Variants in MTPN observed in about 807,000 individuals in gnomAD.
The protein encoded by MTPN is myotrophin.
In MTPN, 2 loss-of-function variants were observed where a neutral mutation model predicts 13.5. The ratio of observed to expected loss-of-function variants is 0.15; its 90% confidence interval spans 0.06 to 0.47. The LOEUF is 0.47. MTPN is among the 20% of genes least tolerant of loss of function. MTPN has a pLI of 0.97. For missense variants in MTPN, 79 were observed against 137.9 expected, an observed-to-expected ratio of 0.57 and a Z score of 2.14; for synonymous variants, 46 against 51.7, an observed-to-expected ratio of 0.89 and a Z score of 0.48.
chr7:135,974,255 T>C (rs1246226095), intron 1 of MTPN, among the ~76,000 whole-genome samples: 2 of 151,980 alleles, frequency 1.3e-5, no homozygotes, highest in Non-Finnish European at 2.9e-5. Context: ...GAAAAACGGG[T>C]TCACACCTGT....
rs542912712 is a variant in MTPN at position 135,948,641 on chromosome 7, A to G, written c.270+1958T>C. Among the ~76,000 whole-genome samples, 44 of 152,310 alleles carry G rather than the reference A, an allele frequency of 2.9e-4. No homozygotes were observed. In the South Asian group the frequency reaches 8.3e-3, roughly 29 times the overall value. On this transcript the variant is annotated intron_variant, in intron 3 of 3. Transcript: ENST00000393085. The stretch of plus-strand genomic sequence containing the variant: ...TTAACAACGGAAACTTACAACCACA[A>G]GGTCTCAATGACCTGAAGCCTCATG...
intron 1 of MTPN, 101 bp downstream of exon 1, chr7:135,976,928 C>G: frequency 4.1e-5 from 18 of 444,434 alleles, no homozygotes; most frequent in Middle Eastern, 3.6e-4. Context: ...AGTCTCTCCT[C>G]CCGCCCACCC....
At chr7:135,976,883 C>T (rs78943195) in intron 1 of MTPN, 146 bp downstream of exon 1, 10,027 of 738,894 alleles carry the variant, frequency 0.014, 282 homozygotes, top group East Asian at 0.087. Context: ...CCTCCCTAGA[C>T]GCCCCTCTCT....
intron 1 of MTPN, among the ~76,000 whole-genome samples, chr7:135,953,051 C>T (rs1467113057): frequency 6.6e-6 from 1 of 152,124 alleles, no homozygotes. Flanking sequence ...ATGTTCAGAG[C>T]CCTATCATTT....
At chr7:135,946,169 C>G (rs1307841302) in intron 3 of MTPN, among the ~76,000 whole-genome samples, 1 of 152,138 alleles carries the variant, frequency 6.6e-6, no homozygotes, top group East Asian at 1.9e-4. Context: ...AATATGATTT[C>G]ATGTTTAGCC....
chr7:135,930,138 T>C (rs1798995221), intron 3 of MTPN, 126 bp from the exon 4 acceptor site: 7 of 723,126 alleles, frequency 9.7e-6, no homozygotes, highest in Non-Finnish European at 1.6e-5. Context: ...TAGTGGAGTC[T>C]ATTCTACTGC....
At chr7:135,969,753 T>C (rs1158979018) in intron 1 of MTPN, among the ~76,000 whole-genome samples, 2 of 152,020 alleles carry the variant, frequency 1.3e-5, no homozygotes, top group African/African-American at 4.8e-5. Flanking sequence ...AGAAAATAAA[T>C]GAAGTCAAGA....
chr7:135,956,763 T>C (rs1290008833), intron 1 of MTPN, among the ~76,000 whole-genome samples: 3 of 152,200 alleles, frequency 2.0e-5, no homozygotes, highest in Non-Finnish European at 4.4e-5. Flanking sequence ...TCCTGTTTTA[T>C]TGGCTCCTTC....
In MTPN at chr7:135,977,175, G is replaced by C. The variant is rs551634536; in HGVS notation, c.-75C>G. ...GGCAGCAGCAAGCGGATGCCGCCGG[G>C]CGAGAGGGAGGCAGGGCCGCGCGAA... On this transcript the variant is annotated 5_prime_UTR_variant, in exon 1 of 4. Transcript: ENST00000393085. 9.5e-6 allele frequency: 14 copies of C among 1,480,748 alleles called. No individual in the cohort carries two copies. In the South Asian group the frequency reaches 1.4e-4, roughly 14 times the overall value. 91.7% of individuals were successfully genotyped at this position (1,480,748 alleles called of 1,614,324 possible).
intron 1 of MTPN, among the ~76,000 whole-genome samples, chr7:135,963,126 T>C (rs906140076): frequency 3.9e-5 from 6 of 152,044 alleles, no homozygotes; most frequent in Admixed American, 3.3e-4. Context: ...TTTACAAAAT[T>C]CTATATAGTT....
intron 1 of MTPN, among the ~76,000 whole-genome samples, chr7:135,973,124 A>G (rs923759002): frequency 2.0e-5 from 3 of 150,460 alleles, no homozygotes; most frequent in African/African-American, 7.3e-5. Context: ...AGTGCAGGAG[A>G]CTGGCTGAAA....
intron 1 of MTPN, among the ~76,000 whole-genome samples, chr7:135,965,171 C>G (rs536122855): frequency 1.6e-3 from 243 of 152,186 alleles, no homozygotes; most frequent in African/African-American, 5.3e-3. Context: ...GACAATAATA[C>G]AAACAGCAAA....
At chr7:135,975,982 T>C (rs1266424429) in intron 1 of MTPN, among the ~76,000 whole-genome samples, 1 of 152,254 alleles carries the variant, frequency 6.6e-6, no homozygotes, top group African/African-American at 2.4e-5. Flanking sequence ...TCCTATTCTT[T>C]GAAGAGTTAA....
rs1193185568 is a variant in MTPN at position 135,932,635 on chromosome 7, GAAGTA to G, written c.271-2628_271-2624del. The G allele has an allele frequency of 4.6e-5, 7 of 151,760 alleles. No homozygotes were observed. In the East Asian group the frequency reaches 9.7e-4, roughly 21 times the overall value. The allele number at this position is 151,760 out of a possible 1,614,324, so 9.4% of individuals were successfully genotyped here. A position where few individuals can be genotyped will look rare whatever the true frequency, so the allele number is the denominator to read the frequency against. On this transcript the variant is annotated intron_variant, in intron 3 of 3. Transcript: ENST00000393085. The stretch of plus-strand genomic sequence containing the variant: ...TTCTTTAAAAATAGTTGAGTAATTA[GAAGTA>G]GAGTGACTATATTTATATCAGACAA...
At chr7:135,933,284 C>T (rs1020637579) in intron 3 of MTPN, among the ~76,000 whole-genome samples, 6 of 152,060 alleles carry the variant, frequency 3.9e-5, no homozygotes, top group African/African-American at 1.4e-4. Context: ...TTTCGACTTC[C>T]TGCTACATAC....
rs190404273 is a variant in MTPN, at chr7:135,945,575, C to G, written c.270+5024G>C. Among the ~76,000 whole-genome samples, 5 of 152,258 alleles carry G rather than the reference C, an allele frequency of 3.3e-5. No individual in the cohort carries two copies. The South Asian group carries it at 6.2e-4, about 19-fold the overall frequency. ...GTCAGGATCATCAATATCACTTTTTCCACCTCCATATCTTGTCCCATTGGA... is the reference window on the plus strand; with the variant it reads ...GTCAGGATCATCAATATCACTTTTTGCACCTCCATATCTTGTCCCATTGGA... On this transcript the variant is annotated intron_variant, in intron 3 of 3. Transcript: ENST00000393085.
chr7:135,959,758 C>T (rs1398027381), intron 1 of MTPN, among the ~76,000 whole-genome samples: 1 of 151,526 alleles, frequency 6.6e-6, no homozygotes, highest in Non-Finnish European at 1.5e-5. Flanking sequence ...TTTAACAGTA[C>T]TACAAGCAAG....
At chr7:135,959,179 C>A (rs1799487665) in intron 1 of MTPN, among the ~76,000 whole-genome samples, 1 of 152,062 alleles carries the variant, frequency 6.6e-6, no homozygotes, top group Non-Finnish European at 1.5e-5. Context: ...TTGAAAGATA[C>A]ATATATCCTA....
chr7:135,941,916 T>C (rs941373901), intron 3 of MTPN, among the ~76,000 whole-genome samples: 1 of 151,222 alleles, frequency 6.6e-6, no homozygotes, highest in Admixed American at 6.6e-5. Flanking sequence ...GGAGTTTCAT[T>C]TTTGTTGCCC....
Sources: allele counts gnomAD v4.1 joint callset (sites outside exome capture counted in the v4.1 genomes callset), GRCh38; gene constraint gnomAD v4.1.1; transcripts MANE v1.5; gene names NCBI Gene and HGNC (gene_info 2026-07-23, HGNC 2026-07-21).